Variants in HECW2 observed in about 807,000 individuals in gnomAD.
The protein encoded by HECW2 is HECT, C2 and WW domain containing E3 ubiquitin protein ligase 2.
Under a neutral mutation model 175.2 loss-of-function variants are expected in HECW2, and 61 were observed. The observed-to-expected ratio is 0.35, with a 90% CI of 0.28 to 0.43. The LOEUF (loss-of-function observed/expected upper bound fraction) is 0.43, where lower values mean the gene tolerates loss of function less well. HECW2 is among the 20% of genes least tolerant of loss of function. The pLI, the probability that HECW2 is intolerant of heterozygous loss-of-function variation, is 1.00. For missense variants in HECW2, 1,524 were observed against 2,000.5 expected, an observed-to-expected ratio of 0.76 and a Z score of 4.54; for synonymous variants, 671 against 731.0, an observed-to-expected ratio of 0.92 and a Z score of 1.32.
intron 14 of HECW2, among the ~76,000 whole-genome samples, chr2:196,287,511 T>C (rs1238035183): frequency 2.0e-5 from 3 of 152,132 alleles, no homozygotes; most frequent in Non-Finnish European, 4.4e-5. Context: ...CAGGGGGAAA[T>C]AGTCCGTATT....
In HECW2 at chr2:196,487,249, G is replaced by A. The variant is rs1034743960; in HGVS notation, c.-35-53791C>T. On this transcript the variant is annotated intron_variant, in intron 1 of 28. Transcript: ENST00000644978. ...GGATCACTTGAGCCCAGGATGTTGA[G>A]GTGGCAGTCAGCCATGCTGTTGACA... Among the ~76,000 whole-genome samples, 3 of 152,282 alleles carry A rather than the reference G, an allele frequency of 2.0e-5. No homozygotes were observed. The South Asian group carries it at 6.2e-4, about 32-fold the overall frequency.
intron 1 of HECW2, among the ~76,000 whole-genome samples, chr2:196,502,647 ATCCCATGACTGT>A (rs1255831658): frequency 1.3e-5 from 2 of 152,180 alleles, no homozygotes; most frequent in Non-Finnish European, 2.9e-5. Flanking sequence ...TACTCCTCAG[ATCCCATGACTGT>A]TCCTTCCTTC....
chr2:196,410,898 G>A (rs560184636), intron 2 of HECW2, among the ~76,000 whole-genome samples: 1 of 152,190 alleles, frequency 6.6e-6, no homozygotes, highest in East Asian at 1.9e-4. Context: ...ATAGCATACA[G>A]ACAGCAGTGA....
chr2:196,306,684 T>C, intron 12 of HECW2, 72 bp from the exon 13 acceptor site: 5 of 1,428,088 alleles, frequency 3.5e-6, no homozygotes, highest in Non-Finnish European at 4.7e-6. Context: ...CTCACTTCAG[T>C]CTGCATTTCA....
intron 1 of HECW2, among the ~76,000 whole-genome samples, chr2:196,476,343 T>C (rs1686613840): frequency 6.6e-6 from 1 of 151,228 alleles, no homozygotes; most frequent in Non-Finnish European, 1.5e-5. Context: ...ATTAGGTCGC[T>C]GAGGCACTAG....
At chr2:196,526,861 A>C (rs1688674005) in intron 1 of HECW2, among the ~76,000 whole-genome samples, 1 of 151,944 alleles carries the variant, frequency 6.6e-6, no homozygotes, top group Admixed American at 6.5e-5. Context: ...GCGTGCTGGG[A>C]GAACCACTGC....
intron 1 of HECW2, among the ~76,000 whole-genome samples, chr2:196,520,909 AAAAT>A (rs948599200): frequency 6.6e-5 from 10 of 152,334 alleles, no homozygotes; most frequent in South Asian, 4.1e-4. Context: ...AAGGTCAGAA[AAAAT>A]AAATAAAGAG....
At position 196,199,105 on chromosome 2, in the gene HECW2, T is replaced by C. The variant is rs181748354; in HGVS notation, c.*2172A>G. 1.4e-4 allele frequency: 22 copies of C among 152,758 alleles called. No individual in the cohort carries two copies. The highest frequency in any genetic ancestry group is 4.6e-4 in the African/African-American group (19 of 41,584). The allele number at this position is 152,758 out of a possible 1,614,324, so 9.5% of individuals were successfully genotyped here. ...TGAAGGATAACATGGTCTTTGAATGTATTTTTGAAAGAAATGCAACCTTTA... is the reference window on the plus strand; with the variant it reads ...TGAAGGATAACATGGTCTTTGAATGCATTTTTGAAAGAAATGCAACCTTTA... On this transcript the variant is annotated 3_prime_UTR_variant, in exon 29 of 29. Transcript: ENST00000644978.
chr2:196,509,972 TAATC>T (rs1294149706), intron 1 of HECW2, among the ~76,000 whole-genome samples: 1 of 152,216 alleles, frequency 6.6e-6, no homozygotes. Context: ...ACTCAACTCA[TAATC>T]TATTTATTCA....
chr2:196,472,631 T>G (rs555369151), intron 1 of HECW2, among the ~76,000 whole-genome samples: 2 of 152,068 alleles, frequency 1.3e-5, no homozygotes, highest in Non-Finnish European at 2.9e-5. Context: ...TTCTTTTTCT[T>G]TTTTTTTGAG....
intron 11 of HECW2, 26 bp from the exon 12 acceptor site, chr2:196,307,259 T>C (rs1691302583): frequency 1.3e-6 from 2 of 1,502,462 alleles, no homozygotes; most frequent in Admixed American, 3.3e-5. Context: ...TAGAGTTACA[T>C]TCCAGCAGCA....
At position 196,340,566 on chromosome 2, in the gene HECW2, A is replaced by G. The variant is rs552985274; in HGVS notation, c.400+3091T>C. ...AGCCAAGAACACGCCACTGCAGTCC[A>G]GCCTGGGAGACGCAGCAAGACTCCG... On this transcript the variant is annotated intron_variant, in intron 3 of 28. Transcript: ENST00000644978. 5.3e-5 allele frequency among the ~76,000 whole-genome samples: 7 copies of G among 132,600 alleles called. No homozygotes were observed. In the South Asian group the frequency reaches 1.8e-3, roughly 34 times the overall value. The allele number at this position is 132,600 out of a possible 152,430, so 87.0% of individuals were successfully genotyped here. A position where few individuals can be genotyped will look rare whatever the true frequency, so the allele number is the denominator to read the frequency against.
At chr2:196,214,023 A>G (rs1424006116) in intron 28 of HECW2, among the ~76,000 whole-genome samples, 2 of 152,216 alleles carry the variant, frequency 1.3e-5, no homozygotes, top group African/African-American at 2.4e-5. Context: ...CCTGCCTGAT[A>G]TGTATTACAG....
intron 1 of HECW2, among the ~76,000 whole-genome samples, chr2:196,549,264 C>T (rs1421444887): frequency 6.6e-6 from 1 of 152,210 alleles, no homozygotes; most frequent in Non-Finnish European, 1.5e-5. Flanking sequence ...AGTCAGCAGT[C>T]TGGGACCCCT....
intron 8 of HECW2, among the ~76,000 whole-genome samples, 197 bp downstream of exon 8, chr2:196,320,142 T>A (rs1181653628): frequency 1.3e-5 from 2 of 152,178 alleles, no homozygotes; most frequent in Non-Finnish European, 2.9e-5. Context: ...AATGCAGGCA[T>A]CAATCTAAGA....
At chr2:196,209,725 G>A (rs1575223143) in intron 28 of HECW2, among the ~76,000 whole-genome samples, 1 of 151,832 alleles carries the variant, frequency 6.6e-6, no homozygotes, top group Non-Finnish European at 1.5e-5. Context: ...GGTCCTTCTA[G>A]TACTCATCTC....
At chr2:196,519,342 C>T (rs1688262508) in intron 1 of HECW2, among the ~76,000 whole-genome samples, 1 of 152,044 alleles carries the variant, frequency 6.6e-6, no homozygotes, top group African/African-American at 2.4e-5. Flanking sequence ...TCAATTTCTC[C>T]CACAATGTAC....
At chr2:196,302,543 C>G (rs1038789419) in intron 13 of HECW2, among the ~76,000 whole-genome samples, 1 of 152,170 alleles carries the variant, frequency 6.6e-6, no homozygotes, top group African/African-American at 2.4e-5. Context: ...TCTTCCTATC[C>G]ATGAGGATGG....
chr2:196,220,229 G>C, intron 25 of HECW2, 76 bp from the exon 26 acceptor site: 1 of 933,804 alleles, frequency 1.1e-6, no homozygotes, highest in Non-Finnish European at 1.7e-6. Flanking sequence ...CTTAGAAAAG[G>C]GGACACATGG....
Sources: gnomAD v4.1 joint callset for allele counts (sites outside exome capture counted in the v4.1 genomes callset) on GRCh38, gnomAD v4.1.1 for gene constraint, MANE v1.5 for transcripts, NCBI Gene and HGNC (gene_info 2026-07-23, HGNC 2026-07-21) for gene names.